The following ARB2A variants were observed in gnomAD, a reference collection of about 807,000 sequenced individuals.
ARB2A encodes cotranscriptional regulator ARB2A.
At chr5:94,024,861 T>G in the ARB2A span, among the ~76,000 whole-genome samples, 3 of 152,062 alleles carry the variant, frequency 2.0e-5, no homozygotes, top group Non-Finnish European at 4.4e-5. Flanking sequence ...AACAGCATGA[T>G]AAACTAAAAA....
the ARB2A span, among the ~76,000 whole-genome samples, chr5:93,791,245 A>G: frequency 6.6e-6 from 1 of 152,254 alleles, no homozygotes; most frequent in African/African-American, 2.4e-5. Flanking sequence ...GTCTTGGCTT[A>G]TGACTATTAA....
chr5:93,671,113 C>T, the ARB2A span, among the ~76,000 whole-genome samples: 2 of 152,094 alleles, frequency 1.3e-5, no homozygotes, highest in Non-Finnish European at 2.9e-5. Flanking sequence ...ACCCTCAAAA[C>T]AAGATATTTT....
At chr5:94,011,899 AG>A in the ARB2A span, among the ~76,000 whole-genome samples, 1 of 148,190 alleles carries the variant, frequency 6.7e-6, no homozygotes, top group African/African-American at 2.5e-5. Context: ...AAAAAAAAAA[AG>A]ACCTAGAAAT....
the ARB2A span, among the ~76,000 whole-genome samples, chr5:94,006,157 A>G: frequency 6.6e-6 from 1 of 152,214 alleles, no homozygotes; most frequent in Non-Finnish European, 1.5e-5. Flanking sequence ...GGTGAATGTT[A>G]GAACAAACTT....
At chr5:93,701,812 T>C in the ARB2A span, among the ~76,000 whole-genome samples, 1 of 152,182 alleles carries the variant, frequency 6.6e-6, no homozygotes, top group Non-Finnish European at 1.5e-5. Context: ...GGGAATTTGC[T>C]ATTTTACTGG....
chr5:94,106,870 G>GAA, the ARB2A span, among the ~76,000 whole-genome samples: 347 of 57,334 alleles, frequency 6.1e-3, 8 homozygotes, highest in African/African-American at 0.012. Flanking sequence ...AATCAATGCA[G>GAA]AAAAAAAAAA....
the ARB2A span, chr5:93,881,534 C>T: frequency 1.9e-5 from 31 of 1,610,928 alleles, no homozygotes; most frequent in East Asian, 2.2e-5. Context: ...ATAGAAATCA[C>T]GTCGCTTCTT....
the ARB2A span, among the ~76,000 whole-genome samples, chr5:93,874,134 G>C: frequency 4.6e-5 from 7 of 152,284 alleles, no homozygotes; most frequent in South Asian, 1.5e-3. Context: ...CCAAACTGCA[G>C]AGTGTAGCAC....
At chr5:94,036,904 A>G in the ARB2A span, among the ~76,000 whole-genome samples, 1 of 152,144 alleles carries the variant, frequency 6.6e-6, no homozygotes, top group South Asian at 2.1e-4. Flanking sequence ...CTGGGTTGGT[A>G]GGTTTTATTT....
At chr5:93,922,535 C>T in the ARB2A span, among the ~76,000 whole-genome samples, 4 of 140,450 alleles carry the variant, frequency 2.8e-5, no homozygotes, top group South Asian at 9.5e-4. Flanking sequence ...ATTAGCCAGG[C>T]GTGATGGCGG....
chr5:94,099,389 T>C, the ARB2A span, among the ~76,000 whole-genome samples: 16 of 150,588 alleles, frequency 1.1e-4, no homozygotes, highest in Admixed American at 4.6e-4. Flanking sequence ...CTTTGGGAGG[T>C]TGAAGTGGGT....
At chr5:94,020,347 C>A in the ARB2A span, among the ~76,000 whole-genome samples, 6 of 152,064 alleles carry the variant, frequency 3.9e-5, no homozygotes. Context: ...ATGCGTGCAG[C>A]AAACCACCAT....
At chr5:93,949,608 G>C in the ARB2A span, among the ~76,000 whole-genome samples, 1 of 151,670 alleles carries the variant, frequency 6.6e-6, no homozygotes, top group Non-Finnish European at 1.5e-5. Context: ...CAAGGTAAAC[G>C]GGGTGTCCAT....
the ARB2A span, among the ~76,000 whole-genome samples, chr5:93,882,962 C>G: frequency 9.9e-5 from 15 of 151,488 alleles, no homozygotes; most frequent in South Asian, 2.9e-3. Flanking sequence ...GCCAAACCAA[C>G]CATAAGATGA....
At chr5:94,067,425 A>T in the ARB2A span, among the ~76,000 whole-genome samples, 1 of 152,298 alleles carries the variant, frequency 6.6e-6, no homozygotes, top group Non-Finnish European at 1.5e-5. Context: ...ATAATCTTAT[A>T]TATAGAAAAA....
the ARB2A span, among the ~76,000 whole-genome samples, chr5:93,873,310 GGAA>G: frequency 1.1e-5 from 1 of 93,430 alleles, no homozygotes; most frequent in African/African-American, 4.3e-5. Context: ...AAGGGGGGGG[GGAA>G]AGAAAGGAAA....
the ARB2A span, chr5:93,958,929 T>C: frequency 1.9e-6 from 3 of 1,605,938 alleles, no homozygotes; most frequent in South Asian, 2.2e-5. Flanking sequence ...TCCTCACTCA[T>C]AAAGATAAAA....
chr5:93,779,110 TGTGTGTGTGTGTGTGC>T, the ARB2A span, among the ~76,000 whole-genome samples: 8 of 148,604 alleles, frequency 5.4e-5, no homozygotes, highest in African/African-American at 1.7e-4. Flanking sequence ...TGTGTGTGTG[TGTGTGTGTGTGTGTGC>T]GCGCGCGCGC....
At chr5:93,978,345 A>G in the ARB2A span, among the ~76,000 whole-genome samples, 1 of 152,196 alleles carries the variant, frequency 6.6e-6, no homozygotes, top group African/African-American at 2.4e-5. Flanking sequence ...TCACAATAGC[A>G]AAGACATAGA....
Sources: gnomAD v4.1 joint callset for allele counts (sites outside exome capture counted in the v4.1 genomes callset) on GRCh38, gnomAD v4.1.1 for gene constraint, MANE v1.5 for transcripts, NCBI Gene and HGNC (gene_info 2026-07-23, HGNC 2026-07-21) for gene names.